The following VCAN variants were observed in gnomAD, a reference collection of about 807,000 sequenced individuals.
VCAN encodes versican core protein.
In VCAN, 44 loss-of-function variants were observed where a neutral mutation model predicts 245.5. The observed-to-expected ratio is 0.18, with a 90% CI of 0.14 to 0.23. VCAN has a LOEUF of 0.23. Ranked by LOEUF, VCAN falls within the 10% of genes least tolerant of loss-of-function variation. VCAN has a pLI of 1.00. For synonymous variants in VCAN, 1,413 were observed against 1,437.0 expected, an observed-to-expected ratio of 0.98 and a Z score of 0.38; for missense variants, 3,793 against 4,057.9, an observed-to-expected ratio of 0.93 and a Z score of 1.77.
chr5:83,539,294 A>G lies in VCAN; in HGVS notation c.6291A>G (p.Leu2097=), dbSNP rs1223503904. The change falls in exon 8 of 15, where the codon TTA becomes TTG. Residue 2097 remains leucine (L), a synonymous_variant. Coordinates refer to ENST00000265077, the MANE Select transcript of VCAN (RefSeq NM_004385.5). ...NFPQTIEPAK[L]WSRQEVNPVR... ...CCCAAACTATAGAGCCAGCCAAATT[A>G]TGGTCTAGGCAAGAAGTCAACCCTG... 8.1e-6 allele frequency: 13 copies of G among 1,614,110 alleles called. No homozygotes were observed. Among genetic ancestry groups the G allele is most frequent in the Admixed American group, 1.7e-5 (1 of 59,990 alleles).
At chr5:83,548,124 A>AT (rs148814066) in intron 10 of VCAN, 40 bp downstream of exon 10, 37,087 of 1,528,632 alleles carry the variant, frequency 0.024, 1,001 homozygotes, top group African/African-American at 0.15. Context: ...AACATTATTG[A>AT]TTTTTTTTTA....
intron 5 of VCAN, among the ~76,000 whole-genome samples, chr5:83,509,540 AT>A (rs1745588164): frequency 6.6e-6 from 1 of 152,208 alleles, no homozygotes; most frequent in Non-Finnish European, 1.5e-5. Flanking sequence ...TACTCAATTA[AT>A]TATATTTCTT....
Position 83,553,526 on chromosome 5 carries a change from T to C in VCAN, c.9652+4T>C, listed in dbSNP as rs1580061256. The C allele has an allele frequency of 6.2e-7, 1 of 1,613,900 alleles. No homozygotes were observed. Among genetic ancestry groups the C allele is most frequent in the Non-Finnish European group, 8.5e-7 (1 of 1,179,904 alleles). On this transcript the variant is annotated splice_donor_region_variant and intron_variant, in intron 11 of 14. Transcript: ENST00000265077. ...GAAGAACAAATGTTTGTTAATCGTA[T>C]GTACCAAATAGATACGAGTTTCCAG...
In VCAN at chr5:83,545,612, C is replaced by T. The variant is rs371507776; in HGVS notation, c.9341C>T (p.Thr3114Ile). 2.5e-6 allele frequency: 4 copies of T among 1,613,992 alleles called. No individual in the cohort carries two copies. The highest frequency in any genetic ancestry group is 1.3e-5 in the African/African-American group (1 of 74,908). ...CYPTETSYVC[T>I]CVPGYSGDQC... ...CCTACTGAAACTTCCTACGTATGCA[C>T]CTGTGTGCCAGGATACAGCGGAGAC... Residue 3114 changes from threonine to isoleucine, a missense_variant, in exon 9 of 15, where the codon ACC (threonine) becomes ATC (isoleucine). By Grantham distance (89) the Thr-to-Ile change is moderately conservative (BLOSUM62 -1). Coordinates refer to ENST00000265077, the MANE Select transcript of VCAN (RefSeq NM_004385.5).
In VCAN at chr5:83,493,813, C is replaced by T. The variant is rs538498172; in HGVS notation, c.630C>T (p.Ile210=). Residue 210 remains isoleucine (I), a synonymous_variant, in exon 5 of 15, where the codon ATC becomes ATT. Coordinates refer to ENST00000265077, the MANE Select transcript of VCAN (RefSeq NM_004385.5). ...WLADQTVRYP[I]RAPRVGCYGD... is the part of the protein sequence containing the mutation. ...CCATTTATTTCCCCAGATATCCCATCCGGGCTCCCAGAGTAGGCTGTTATG... is the reference window on the plus strand; with the variant it reads ...CCATTTATTTCCCCAGATATCCCATTCGGGCTCCCAGAGTAGGCTGTTATG... 268 of 1,614,124 alleles carry T rather than the reference C, an allele frequency of 1.7e-4. 5 individuals carry two copies. In the South Asian group the frequency reaches 2.7e-3, roughly 16 times the overall value.
intron 9 of VCAN, among the ~76,000 whole-genome samples, chr5:83,546,031 T>G (rs1236025335): frequency 6.6e-6 from 1 of 152,136 alleles, no homozygotes; most frequent in Non-Finnish European, 1.5e-5. Flanking sequence ...AGGAAAATAA[T>G]AAAAGTTAGA....
At chr5:83,506,851 G>T (rs1441052163) in intron 5 of VCAN, among the ~76,000 whole-genome samples, 3 of 152,180 alleles carry the variant, frequency 2.0e-5, no homozygotes, top group Non-Finnish European at 1.5e-5. Flanking sequence ...TTACATGGCA[G>T]CGGCAAGAGA....
Position 83,519,729 on chromosome 5 carries a change from G to T in VCAN, c.1423G>T (p.Asp475Tyr). ...GVSHYATDSW[D>Y]GVVEDKQTQE... ...CTCTCATTATGCTACGGATTCATGGGATGGTGTCGTGGAAGATAAACAAAC... is the reference window on the plus strand; with the variant it reads ...CTCTCATTATGCTACGGATTCATGGTATGGTGTCGTGGAAGATAAACAAAC... Residue 475 changes from aspartate to tyrosine, a missense_variant, in exon 7 of 15, where the codon GAT becomes TAT. Asp to Tyr is a radical substitution (Grantham distance 160). Coordinates refer to ENST00000265077, the MANE Select transcript of VCAN (RefSeq NM_004385.5). 4.3e-6 allele frequency: 7 copies of T among 1,614,158 alleles called. No homozygotes were observed. The highest frequency in any genetic ancestry group is 5.9e-6 in the Non-Finnish European group (7 of 1,179,996).
intron 7 of VCAN, among the ~76,000 whole-genome samples, chr5:83,522,805 G>A (rs888417981): frequency 3.3e-5 from 5 of 152,158 alleles, no homozygotes; most frequent in Non-Finnish European, 7.4e-5. Context: ...TTTATTATAT[G>A]ACTTGTGTGG....
At chr5:83,574,847 A>C (rs757610478) in intron 13 of VCAN, among the ~76,000 whole-genome samples, 2 of 149,354 alleles carry the variant, frequency 1.3e-5, no homozygotes, top group East Asian at 3.8e-4. Context: ...AGAATTGTTT[A>C]GTTAACATTA....
Position 83,542,121 on chromosome 5 carries a change from T to C in VCAN, c.9118T>C (p.Ser3040Pro). 1 of 1,614,064 alleles carries C rather than the reference T, an allele frequency of 6.2e-7. No homozygotes were observed. The highest frequency in any genetic ancestry group is 8.5e-7 in the Non-Finnish European group (1 of 1,179,972). Reference protein sequence around the residue: ...EQQVAARILDSNDQATVNPVE... With the variant: ...EQQVAARILDPNDQATVNPVE... ...GCAAGTGGCAGCGAGAATTCTTGATTCCAATGATCAGGCAACAGTAAACCC... is the reference window on the plus strand; with the variant it reads ...GCAAGTGGCAGCGAGAATTCTTGATCCCAATGATCAGGCAACAGTAAACCC... Residue 3040 changes from serine to proline, a missense_variant, in exon 8 of 15, where the codon TCC (serine) becomes CCC (proline). Physicochemically the swap from Ser to Pro is moderately conservative, Grantham distance 74. Transcript: ENST00000265077.
intron 1 of VCAN, among the ~76,000 whole-genome samples, chr5:83,482,112 C>G (rs1312799276): frequency 6.6e-6 from 1 of 152,146 alleles, no homozygotes; most frequent in African/African-American, 2.4e-5. Context: ...AAGGCATGGT[C>G]CACTCTAGGT....
At chr5:83,483,653 T>C in intron 2 of VCAN, 65 bp downstream of exon 2, 3 of 1,406,876 alleles carry the variant, frequency 2.1e-6, no homozygotes, top group Non-Finnish European at 2.0e-6. Flanking sequence ...GAGGATGAAA[T>C]GGCAATGTGG....
rs536934826 is a variant in VCAN at position 83,520,934 on chromosome 5, T to A, written c.2628T>A (p.His876Gln). The change falls in exon 7 of 15, where the codon CAT becomes CAA. Residue 876 changes from histidine to glutamine, a missense_variant. His to Gln is a conservative substitution (Grantham distance 24). This residue lies in a region of VCAN where 3,182 missense variants were observed against 3,250.3 expected (regional missense o/e 0.98). Coordinates refer to ENST00000265077, the MANE Select transcript of VCAN (RefSeq NM_004385.5). The stretch of plus-strand genomic sequence containing the variant: ...TTACTGATGAAGACATAGCAGCCCA[T>A]GGAAAATTCACAATTAGATTTCAGC... ...EEVTDEDIAAHGKFTIRFQPT... is the reference protein window; with the variant it reads ...EEVTDEDIAAQGKFTIRFQPT... The A allele has an allele frequency of 4.6e-5, 74 of 1,614,126 alleles. 1 individual carries two copies. In the South Asian group the frequency reaches 7.9e-4, roughly 17 times the overall value.
chr5:83,541,243 C>G lies in VCAN; in HGVS notation c.8240C>G (p.Thr2747Ser). The G allele has an allele frequency of 6.2e-7, 1 of 1,613,934 alleles. No homozygotes were observed. The highest frequency in any genetic ancestry group is 1.3e-5 in the African/African-American group (1 of 75,034). The change falls in exon 8 of 15, where the codon ACT (threonine) becomes AGT (serine). Residue 2747 changes from threonine (T) to serine (S), a missense_variant. By Grantham distance (58) the Thr-to-Ser change is moderately conservative (BLOSUM62 1). Coordinates refer to ENST00000265077, the MANE Select transcript of VCAN (RefSeq NM_004385.5). ...CCAACATTGGGCCAATTTGAAAGGA[C>G]TCAGGAGGAGTATGAAGACAAAAAA... ...IIPTLGQFER[T>S]QEEYEDKKHA... is the part of the protein sequence containing the mutation.
chr5:83,537,280 C>G lies in VCAN; in HGVS notation c.4277C>G (p.Ala1426Gly). The change falls in exon 8 of 15, where the codon GCT becomes GGT. Residue 1426 changes from alanine to glycine, a missense_variant. By Grantham distance (60) the Ala-to-Gly change is moderately conservative. Coordinates refer to ENST00000265077, the MANE Select transcript of VCAN (RefSeq NM_004385.5). The part of the protein sequence containing the change: ...LVTTVPKDPE[A>G]AEARRGQFES... ...ACCACTGTGCCCAAGGACCCAGAAG[C>G]TGCAGAAGCTAGGCGTGGCCAGTTT... 6.2e-7 allele frequency: 1 copy of G among 1,613,992 alleles called. No homozygotes were observed.
At chr5:83,519,317 G>A in intron 6 of VCAN, 32 bp from the exon 7 acceptor site, 1 of 1,611,252 alleles carries the variant, frequency 6.2e-7, no homozygotes. Flanking sequence ...TTAGTGACTT[G>A]TCTAATCAAC....
At chr5:83,574,393 G>A (rs138313140) in intron 13 of VCAN, among the ~76,000 whole-genome samples, 239 of 152,176 alleles carry the variant, frequency 1.6e-3, no homozygotes, top group African/African-American at 5.6e-3. Context: ...TTTTTAAACC[G>A]TATTTAAATT....
Position 83,495,201 on chromosome 5 carries a change from A to G in VCAN, c.748+1270A>G, listed in dbSNP as rs150453618. On this transcript the variant is annotated intron_variant, in intron 5 of 14. Transcript: ENST00000265077. ...GAGGAGGCTGGACTAGATAATTTCT[A>G]TGGTCTCTTTCAACATTAAAATTCT... Among the ~76,000 whole-genome samples the G allele has an allele frequency of 3.7e-3, 561 of 152,322 alleles. 2 individuals are homozygous for G. The highest frequency in any genetic ancestry group is 0.013 in the African/African-American group (531 of 41,568).
Sources: allele counts gnomAD v4.1 joint callset (sites outside exome capture counted in the v4.1 genomes callset), GRCh38; gene constraint gnomAD v4.1.1; regional missense constraint gnomAD v4.1.1; transcripts MANE v1.5; gene names NCBI Gene and HGNC (gene_info 2026-07-23, HGNC 2026-07-21).